The following CDV3 variants were observed in gnomAD, a reference collection of about 807,000 sequenced individuals.
CDV3 encodes the protein protein CDV3 homolog.
A neutral mutation model predicts 24.5 loss-of-function variants in CDV3; 14 were observed. The ratio of observed to expected loss-of-function variants is 0.57; its 90% CI spans 0.38 to 0.89. The LOEUF is 0.89. CDV3 is among the 40% of genes least tolerant of loss of function. The probability of loss-of-function intolerance (pLI) is 0.00; values close to 1 mark genes in which losing one functional copy is unlikely to be tolerated. For synonymous variants in CDV3, 114 were observed against 114.1 expected, an observed-to-expected ratio of 1.00 and a Z score of 0.00; for missense variants, 304 against 310.2, an observed-to-expected ratio of 0.98 and a Z score of 0.15.
At chr3:133,576,427 CTGTGTGTG>C (rs962029394) in intron 2 of CDV3, among the ~76,000 whole-genome samples, 1 of 152,144 alleles carries the variant, frequency 6.6e-6, no homozygotes, top group Admixed American at 6.5e-5. Context: ...GTGGAACTGC[CTGTGTGTG>C]TGGCTCCGGT....
At chr3:133,576,695 G>A (rs141710684) in intron 2 of CDV3, among the ~76,000 whole-genome samples, 1 of 152,096 alleles carries the variant, frequency 6.6e-6, no homozygotes, top group Non-Finnish European at 1.5e-5. Context: ...CATCTTCAGG[G>A]TTATTTTGAT....
intron 3 of CDV3, among the ~76,000 whole-genome samples, chr3:133,585,282 C>T (rs908054636): frequency 2.0e-5 from 3 of 152,166 alleles, no homozygotes; most frequent in Admixed American, 1.3e-4. Flanking sequence ...TCAAGCAATC[C>T]TCCCACCTTA....
chr3:133,585,924 A>G (rs530865906), intron 3 of CDV3, among the ~76,000 whole-genome samples: 43 of 152,340 alleles, frequency 2.8e-4, no homozygotes, highest in African/African-American at 1.0e-3. Flanking sequence ...AACAGGACTA[A>G]AGTCCTATTC....
intron 2 of CDV3, among the ~76,000 whole-genome samples, chr3:133,580,076 T>C (rs1553716116): frequency 6.6e-6 from 1 of 152,124 alleles, no homozygotes; most frequent in Non-Finnish European, 1.5e-5. Context: ...ACCCATCAAC[T>C]TGTCATTTAC....
chr3:133,577,263 A>G (rs1384930155), intron 2 of CDV3, among the ~76,000 whole-genome samples: 1 of 151,420 alleles, frequency 6.6e-6, no homozygotes, highest in African/African-American at 2.4e-5. Context: ...TCCTTCCCAT[A>G]TGTTCTTCAC....
chr3:133,576,477 TTTCTTTCCTAAGTGACTGCAGG>T (rs2074811998), intron 2 of CDV3, among the ~76,000 whole-genome samples: 1 of 152,234 alleles, frequency 6.6e-6, no homozygotes, highest in African/African-American at 2.4e-5. Context: ...TCTTAAGTCT[TTTCTTTCCTAAGTGACTGCAGG>T]TTCTTGAAAA....
In CDV3 at chr3:133,573,710, G is replaced by C. The variant is rs751991651; in HGVS notation, c.-335G>C. ...CCTCCGGCACGCGCCGCTGCTAGCC[G>C]AGCACTCTCGCCAGAACCTCTGGCT... On this transcript the variant is annotated 5_prime_UTR_variant, in exon 1 of 5. Coordinates refer to ENST00000264993, the MANE Select transcript of CDV3 (RefSeq NM_017548.5). 1.3e-3 allele frequency: 192 copies of C among 147,160 alleles called. No individual in the cohort carries two copies. The highest frequency in any genetic ancestry group is 3.4e-3 in the Middle Eastern group (1 of 290). The allele number at this position is 147,160 out of a possible 1,614,324, so 9.1% of individuals were successfully genotyped here. A position where few individuals can be genotyped will look rare whatever the true frequency, so the allele number is the denominator to read the frequency against.
chr3:133,578,235 G>A (rs2074891150), intron 2 of CDV3, among the ~76,000 whole-genome samples: 1 of 152,084 alleles, frequency 6.6e-6, no homozygotes, highest in African/African-American at 2.4e-5. Flanking sequence ...TGATCTCAAA[G>A]CAAAGGAATC....
chr3:133,585,253 T>C (rs1230490824), intron 3 of CDV3, among the ~76,000 whole-genome samples: 1 of 152,178 alleles, frequency 6.6e-6, no homozygotes, highest in African/African-American at 2.4e-5. Flanking sequence ...TTGCCCAGGC[T>C]AGTCTTCAAC....
At position 133,574,479 on chromosome 3, in the gene CDV3, G is replaced by C. The variant is rs1006443373; in HGVS notation, c.240+195G>C. On this transcript the variant is annotated intron_variant, in intron 1 of 4. Transcript: ENST00000264993. The stretch of plus-strand genomic sequence containing the variant: ...GGGACCCCTTCCGATATCCGCGGTG[G>C]AGCCGCCCTTCCCACCCCGCGTCGC... The C allele has an allele frequency of 6.1e-6, 6 of 986,334 alleles. No homozygotes were observed. The African/African-American group carries it at 1.0e-4, about 17-fold the overall frequency. 61.1% of individuals were successfully genotyped at this position (986,334 alleles called of 1,614,324 possible).
At chr3:133,586,751 T>A in intron 4 of CDV3, 29 bp downstream of exon 4, 1 of 1,460,108 alleles carries the variant, frequency 6.8e-7, no homozygotes, top group Non-Finnish European at 9.6e-7. Flanking sequence ...TGCATTTTGT[T>A]TGGGACTTCT....
chr3:133,584,000 A>G lies in CDV3; in HGVS notation c.318-2A>G. 1.3e-6 allele frequency: 2 copies of G among 1,590,096 alleles called. No individual in the cohort carries two copies. The highest frequency in any genetic ancestry group is 1.7e-6 in the Non-Finnish European group (2 of 1,171,316). On this transcript the variant is annotated splice_acceptor_variant, in intron 2 of 4. Coordinates refer to ENST00000264993, the MANE Select transcript of CDV3 (RefSeq NM_017548.5). LOFTEE classifies it high-confidence loss of function. ...AATGAATTTACATCTTTGCTTTTCC[A>G]GCAGTGAAAAGGAAGAAGACGATAA...
At chr3:133,586,105 CT>C (rs200461271) in intron 3 of CDV3, among the ~76,000 whole-genome samples, 7,857 of 151,786 alleles carry the variant, frequency 0.052, 276 homozygotes, top group Middle Eastern at 0.15. Flanking sequence ...TTTCTTTTTT[CT>C]TTTTTGAGAG....
intron 2 of CDV3, 95 bp downstream of exon 2, chr3:133,575,210 G>T (rs932093946): frequency 7.1e-6 from 5 of 707,552 alleles, no homozygotes; most frequent in East Asian, 5.3e-5. Context: ...CATCATAGTA[G>T]CCTTGTGCTC....
At chr3:133,585,528 T>A (rs192634875) in intron 3 of CDV3, among the ~76,000 whole-genome samples, 2 of 150,060 alleles carry the variant, frequency 1.3e-5, no homozygotes, top group Non-Finnish European at 3.0e-5. Context: ...AAAGTCTCAC[T>A]CTCTTGCCCA....
chr3:133,584,129 G>A lies in CDV3; in HGVS notation c.445G>A (p.Ala149Thr). 1.2e-6 allele frequency: 2 copies of A among 1,607,240 alleles called. No homozygotes were observed. The highest frequency in any genetic ancestry group is 1.7e-6 in the Non-Finnish European group (2 of 1,177,570). The change falls in exon 3 of 5, where the codon GCA (alanine) becomes ACA (threonine). Residue 149 changes from alanine to threonine, a missense_variant. By Grantham distance (58) the Ala-to-Thr change is moderately conservative. Coordinates refer to ENST00000264993, the MANE Select transcript of CDV3 (RefSeq NM_017548.5). ...GPWNKTAPVQ[A>T]PPAPVIVTET... ...CTGGAATAAAACAGCTCCAGTACAAGCACCTCCTGCTCCAGTAATTGGTAA... is the reference window on the plus strand; with the variant it reads ...CTGGAATAAAACAGCTCCAGTACAAACACCTCCTGCTCCAGTAATTGGTAA...
At chr3:133,579,897 A>G (rs2074952226) in intron 2 of CDV3, among the ~76,000 whole-genome samples, 1 of 150,480 alleles carries the variant, frequency 6.6e-6, no homozygotes, top group East Asian at 1.9e-4. Flanking sequence ...CCGGCTGATA[A>G]AGAGTCTTGA....
At chr3:133,585,393 A>G (rs1415580520) in intron 3 of CDV3, among the ~76,000 whole-genome samples, 2 of 152,034 alleles carry the variant, frequency 1.3e-5, no homozygotes, top group Non-Finnish European at 2.9e-5. Context: ...TTTGTTTGAG[A>G]CAGAGTCTGG....
intron 2 of CDV3, among the ~76,000 whole-genome samples, chr3:133,579,798 G>T (rs556655477): frequency 1.3e-5 from 2 of 152,118 alleles, no homozygotes; most frequent in Admixed American, 6.5e-5. Flanking sequence ...TGACCATGTT[G>T]GTCAGGGTGG....
Sources: allele counts gnomAD v4.1 joint callset (sites outside exome capture counted in the v4.1 genomes callset), GRCh38; gene constraint gnomAD v4.1.1; transcripts MANE v1.5; gene names NCBI Gene and HGNC (gene_info 2026-07-23, HGNC 2026-07-21).